Variants in EFR3B observed in about 807,000 individuals in gnomAD.
EFR3B encodes protein EFR3 homolog B.
Under a neutral mutation model 104.7 loss-of-function variants are expected in EFR3B, and 64 were observed. The observed-to-expected ratio is 0.61, with a 90% CI of 0.50 to 0.75. The LOEUF is 0.75. Ranked by LOEUF, EFR3B falls within the 30% of genes least tolerant of loss-of-function variation. The pLI is 0.00. For missense variants in EFR3B, 750 were observed against 1,078.5 expected (o/e 0.70, Z 4.27); for synonymous variants, 385 against 417.9 (o/e 0.92, Z 0.96).
At position 25,151,993 on chromosome 2, in the gene EFR3B, G is replaced by A; in HGVS notation, c.2271G>A (p.Glu757=). Residue 757 remains glutamate (E), a synonymous_variant, in exon 21 of 23, where the codon GAG becomes GAA. Coordinates refer to ENST00000403714, the MANE Select transcript of EFR3B (RefSeq NM_014971.2). Reference sequence around the variant, plus strand: ...AGAAGTTCCAGAAGGCACCCTTCGAGGAGATTGCTGCACACTGCGGGGCCC... The same window carrying A: ...AGAAGTTCCAGAAGGCACCCTTCGAAGAGATTGCTGCACACTGCGGGGCCC... ...VVEKFQKAPF[E]EIAAHCGARA... 1.3e-6 allele frequency: 2 copies of A among 1,551,734 alleles called. No individual in the cohort carries two copies. The highest frequency in any genetic ancestry group is 1.7e-6 in the Non-Finnish European group (2 of 1,147,006).
Position 25,130,219 on chromosome 2 carries a change from C to A in EFR3B, c.770+110C>A. ...GAAGGGGATATTACAGTTGTGGTGCCGCAGCCGAGTCGATCCCTTCCCTGT... is the reference window on the plus strand; with the variant it reads ...GAAGGGGATATTACAGTTGTGGTGCAGCAGCCGAGTCGATCCCTTCCCTGT... On this transcript the variant is annotated intron_variant, in intron 7 of 22. Transcript: ENST00000403714. The surrounding 1 kb of genome is among the most constrained non-coding windows in gnomAD (Gnocchi z 4.6). 1 of 1,463,746 alleles carries A rather than the reference C, an allele frequency of 6.8e-7. No homozygotes were observed. The highest frequency in any genetic ancestry group is 2.1e-5 in the Admixed American group (1 of 47,938). 90.7% of individuals were successfully genotyped at this position (1,463,746 alleles called of 1,614,324 possible).
chr2:25,103,501 C>A, intron 3 of EFR3B, 136 bp from the exon 4 acceptor site: 2 of 1,217,940 alleles, frequency 1.6e-6, no homozygotes, highest in South Asian at 1.6e-5. Context: ...GCTATCCAGA[C>A]GTTGGCAGCC....
chr2:25,077,674 CATATATATTTTAAA>C (rs1237626071), intron 1 of EFR3B, among the ~76,000 whole-genome samples: 4 of 152,188 alleles, frequency 2.6e-5, no homozygotes, highest in African/African-American at 9.7e-5. Flanking sequence ...CAATTTTATA[CATATATATTTTAAA>C]ATATACATAA....
chr2:25,126,544 G>C (rs1455252074), intron 5 of EFR3B, among the ~76,000 whole-genome samples: 1 of 152,020 alleles, frequency 6.6e-6, no homozygotes, highest in East Asian at 1.9e-4. Flanking sequence ...ATTGTTAGTA[G>C]AGACGGGGTT....
At chr2:25,123,626 A>G (rs1670081386) in intron 5 of EFR3B, among the ~76,000 whole-genome samples, 1 of 152,212 alleles carries the variant, frequency 6.6e-6, no homozygotes, top group Non-Finnish European at 1.5e-5. Context: ...CAAAATGGCT[A>G]TGAAGAGCCA....
chr2:25,081,977 GA>G (rs1267637765), intron 1 of EFR3B, among the ~76,000 whole-genome samples: 1 of 152,186 alleles, frequency 6.6e-6, no homozygotes, highest in African/African-American at 2.4e-5. Context: ...TGATCAAGGG[GA>G]CAGCTCAGTC....
chr2:25,067,565 G>T (rs1668374073), intron 1 of EFR3B, among the ~76,000 whole-genome samples: 1 of 151,922 alleles, frequency 6.6e-6, no homozygotes, highest in South Asian at 2.1e-4. Flanking sequence ...CTCCCAAGTA[G>T]CTGGGACTAC....
At chr2:25,096,096 A>C (rs968867456) in intron 3 of EFR3B, among the ~76,000 whole-genome samples, 1 of 151,678 alleles carries the variant, frequency 6.6e-6, no homozygotes, top group Admixed American at 6.6e-5. Context: ...GCTCACTGCA[A>C]CCTCTGCCTC....
Position 25,151,949 on chromosome 2 carries a change from C to T in EFR3B, c.2227C>T (p.Arg743Trp), listed in dbSNP as rs1318768200. Residue 743 changes from arginine to tryptophan, a missense_variant, in exon 21 of 23, where the codon CGG becomes TGG. Coordinates refer to ENST00000403714, the MANE Select transcript of EFR3B (RefSeq NM_014971.2). ...SVAVEEQERE[R>W]RRQVVEKFQK... ...AGCAGTGGAGGAGCAGGAGCGTGAG[C>T]GGCGGCGGCAGGTGGTGGAGAAGTT... 7.1e-6 allele frequency: 11 copies of T among 1,551,526 alleles called. No homozygotes were observed. Among genetic ancestry groups the T allele is most frequent in the South Asian group, 2.4e-5 (2 of 84,058 alleles).
At chr2:25,080,231 C>T (rs958575534) in intron 1 of EFR3B, 19 of 1,544,994 alleles carry the variant, frequency 1.2e-5, no homozygotes, top group Non-Finnish European at 1.6e-5. Flanking sequence ...ACTTGATGGA[C>T]TGTAGCACCA....
At chr2:25,065,266 G>T (rs559361718) in intron 1 of EFR3B, among the ~76,000 whole-genome samples, 2 of 151,732 alleles carry the variant, frequency 1.3e-5, no homozygotes, top group South Asian at 4.2e-4. Context: ...CTGCAGCCTC[G>T]AACTCCCTGG....
At chr2:25,097,751 T>A (rs1000925877) in intron 3 of EFR3B, among the ~76,000 whole-genome samples, 1 of 152,258 alleles carries the variant, frequency 6.6e-6, no homozygotes, top group African/African-American at 2.4e-5. Flanking sequence ...TCTTTACATT[T>A]CCCTTCCAGT....
intron 16 of EFR3B, among the ~76,000 whole-genome samples, chr2:25,139,824 C>G (rs1245324405): frequency 6.6e-6 from 1 of 152,200 alleles, no homozygotes; most frequent in East Asian, 1.9e-4. Context: ...CGTCTGCATG[C>G]CTGAAACAGC....
intron 17 of EFR3B, among the ~76,000 whole-genome samples, chr2:25,142,323 G>A (rs2149210743): frequency 6.6e-6 from 1 of 151,098 alleles, no homozygotes; most frequent in Admixed American, 6.6e-5. Context: ...CACACCTGTA[G>A]TCCCAGCTAC....
intron 1 of EFR3B, among the ~76,000 whole-genome samples, chr2:25,079,163 G>C (rs1050276447): frequency 6.6e-6 from 1 of 152,200 alleles, no homozygotes; most frequent in African/African-American, 2.4e-5. Flanking sequence ...ATGCAGCACA[G>C]GTCATGCTAC....
At chr2:25,096,871 G>T (rs1408231383) in intron 3 of EFR3B, among the ~76,000 whole-genome samples, 1 of 151,982 alleles carries the variant, frequency 6.6e-6, no homozygotes, top group African/African-American at 2.4e-5. Context: ...ACCCACCCCT[G>T]GTGTAAAAAG....
At chr2:25,116,588 C>T (rs927526686) in intron 4 of EFR3B, among the ~76,000 whole-genome samples, 1 of 151,962 alleles carries the variant, frequency 6.6e-6, no homozygotes, top group Non-Finnish European at 1.5e-5. Context: ...GGCGCCACTG[C>T]ACTCCAGCTT....
chr2:25,118,765 G>A (rs1669935419), intron 4 of EFR3B, among the ~76,000 whole-genome samples: 1 of 139,044 alleles, frequency 7.2e-6, no homozygotes, highest in African/African-American at 2.6e-5. Flanking sequence ...AAAAGGCAGG[G>A]CGTGGTGGTT....
intron 22 of EFR3B, 138 bp downstream of exon 22, chr2:25,153,899 TG>T (rs1671088110): frequency 2.1e-6 from 2 of 957,462 alleles, no homozygotes; most frequent in Non-Finnish European, 3.2e-6. Context: ...TCCCCTGGGC[TG>T]GAGTCAGCCA....
Sources: gnomAD v4.1 joint callset for allele counts (sites outside exome capture counted in the v4.1 genomes callset) on GRCh38, gnomAD v4.1.1 for gene constraint, Gnocchi (gnomAD v3.1) non-coding constraint, MANE v1.5 for transcripts, NCBI Gene and HGNC (gene_info 2026-07-23, HGNC 2026-07-21) for gene names.